CUEDC1: variants seen among roughly 807,000 people sequenced by gnomAD.
CUEDC1 encodes CUE domain containing 1.
In CUEDC1, 30 loss-of-function variants were observed where a neutral mutation model predicts 43.7. The observed-to-expected ratio is 0.69, with a 90% confidence interval of 0.51 to 0.93. The LOEUF (loss-of-function observed/expected upper bound fraction) is 0.93, where lower values mean the gene tolerates loss of function less well. CUEDC1 is among the 40% of genes least tolerant of loss of function. The probability of loss-of-function intolerance (pLI) is 0.00; values close to 1 mark genes in which losing one functional copy is unlikely to be tolerated. For missense variants in CUEDC1, 486 were observed against 549.0 expected (o/e 0.89, Z 1.15); for synonymous variants, 223 against 223.6 (o/e 1.00, Z 0.02).
Position 57,872,675 on chromosome 17 carries a change from C to G in CUEDC1, c.772G>C (p.Ala258Pro), listed in dbSNP as rs776529225. ...ELQRNRDFLL[A>P]LERDRLKYES... ...AGGCGCTGCCCACCTCTCTCCAGAG[C>G]GAGGAGGAAGTCGCGGTTCCGTTGC... Residue 258 changes from alanine (A) to proline (P), a missense_variant, in exon 5 of 11, where the codon GCT becomes CCT. Physicochemically the swap from Ala to Pro is conservative, Grantham distance 27. Coordinates refer to ENST00000577830, the MANE Select transcript of CUEDC1 (RefSeq NM_001271875.2). 1.2e-6 allele frequency: 2 copies of G among 1,613,876 alleles called. No individual in the cohort carries two copies.
At chr17:57,897,406 C>T (rs994892808) in intron 1 of CUEDC1, among the ~76,000 whole-genome samples, 1 of 152,186 alleles carries the variant, frequency 6.6e-6, no homozygotes, top group Non-Finnish European at 1.5e-5. Context: ...CGCAGTGGCT[C>T]ACGCCTGTAA....
intron 1 of CUEDC1, among the ~76,000 whole-genome samples, chr17:57,934,829 T>TC (rs912316819): frequency 6.6e-6 from 1 of 152,074 alleles, no homozygotes; most frequent in African/African-American, 2.4e-5. Flanking sequence ...TGCCTCAGCC[T>TC]CCCGAGTAGC....
At chr17:57,872,114 G>A (rs559482541) in intron 5 of CUEDC1, among the ~76,000 whole-genome samples, 8 of 152,244 alleles carry the variant, frequency 5.3e-5, no homozygotes, top group East Asian at 1.9e-4. Flanking sequence ...CAGCCCTCTC[G>A]TCTCCTCTAC....
At position 57,955,155 on chromosome 17, in the gene CUEDC1, T is replaced by G. The variant is rs2075045268; in HGVS notation, c.-316+70A>C. The G allele has an allele frequency of 1.4e-5, 2 of 142,686 alleles. No individual in the cohort carries two copies. The highest frequency in any genetic ancestry group is 2.5e-5 in the African/African-American group (1 of 39,230). The allele number at this position is 142,686 out of a possible 1,614,324, so 8.8% of individuals were successfully genotyped here. A position where few individuals can be genotyped will look rare whatever the true frequency, so the allele number is the denominator to read the frequency against. ...CGCTGGGCCGGGGCCGCGGCCGGGA[T>G]TGCGCGCGGGGCGCCGGCGAGGACC... On this transcript the variant is annotated intron_variant, in intron 1 of 10. Coordinates refer to ENST00000577830, the MANE Select transcript of CUEDC1 (RefSeq NM_001271875.2). The surrounding 1 kb of genome is among the most constrained non-coding windows in gnomAD (Gnocchi z 5.3).
At chr17:57,908,991 T>G (rs950175263) in intron 1 of CUEDC1, among the ~76,000 whole-genome samples, 1 of 151,106 alleles carries the variant, frequency 6.6e-6, no homozygotes, top group South Asian at 2.1e-4. Flanking sequence ...AACGAGACTG[T>G]CTCAAAAAAA....
rs545620213 is a variant in CUEDC1 at position 57,910,289 on chromosome 17, G to A, written c.-315-24410C>T. ...AAACCTCAGTGACCTCCCCTGCTCA[G>A]CCCATGGGGCCCCTGTGACAATAAA... On this transcript the variant is annotated intron_variant, in intron 1 of 10. Coordinates refer to ENST00000577830, the MANE Select transcript of CUEDC1 (RefSeq NM_001271875.2). Among the ~76,000 whole-genome samples the A allele has an allele frequency of 6.6e-5, 10 of 152,104 alleles. No individual in the cohort carries two copies. In the South Asian group the frequency reaches 1.0e-3, roughly 16 times the overall value.
At chr17:57,867,504 A>G in intron 8 of CUEDC1, 89 bp from the exon 9 acceptor site, 4 of 1,216,780 alleles carry the variant, frequency 3.3e-6, no homozygotes, top group Non-Finnish European at 4.7e-6. Flanking sequence ...CCCACCCCTC[A>G]AAGCTCTGGA....
chr17:57,894,315 C>A (rs1014367463), intron 1 of CUEDC1, among the ~76,000 whole-genome samples: 27 of 152,332 alleles, frequency 1.8e-4, no homozygotes, highest in African/African-American at 5.8e-4. Context: ...GCCACCCCCA[C>A]CCCTATCACT....
At chr17:57,933,484 C>CACTT (rs1441965885) in intron 1 of CUEDC1, among the ~76,000 whole-genome samples, 1 of 152,118 alleles carries the variant, frequency 6.6e-6, no homozygotes, top group East Asian at 1.9e-4. Context: ...ATGAAGAAGC[C>CACTT]ACTTTCATCT....
intron 1 of CUEDC1, among the ~76,000 whole-genome samples, chr17:57,935,378 G>GAGACACACAC (rs1555569479): frequency 7.0e-6 from 1 of 142,088 alleles, no homozygotes; most frequent in Non-Finnish European, 1.5e-5. Context: ...CCTTCCATTA[G>GAGACACACAC]ACACACACAC....
chr17:57,877,721 A>G (rs2074146157), intron 3 of CUEDC1, among the ~76,000 whole-genome samples: 1 of 151,708 alleles, frequency 6.6e-6, no homozygotes, highest in South Asian at 2.1e-4. Flanking sequence ...CCCCGTCTCT[A>G]CTAAAATACA....
At chr17:57,951,620 G>A (rs1328764034) in intron 1 of CUEDC1, among the ~76,000 whole-genome samples, 4 of 152,028 alleles carry the variant, frequency 2.6e-5, no homozygotes, top group Non-Finnish European at 4.4e-5. Flanking sequence ...CACCATGCCC[G>A]GCTAATTTTT....
At chr17:57,870,972 C>T (rs1230380569) in intron 6 of CUEDC1, among the ~76,000 whole-genome samples, 1 of 152,172 alleles carries the variant, frequency 6.6e-6, no homozygotes, top group Non-Finnish European at 1.5e-5. Flanking sequence ...CGTGAGCCAC[C>T]GCACCTGGCC....
chr17:57,880,857 T>C (rs1377086328), intron 2 of CUEDC1, among the ~76,000 whole-genome samples: 1 of 141,560 alleles, frequency 7.1e-6, no homozygotes, highest in Non-Finnish European at 1.5e-5. Flanking sequence ...GGGCGGCCCC[T>C]GACTGGGAGA....
intron 1 of CUEDC1, among the ~76,000 whole-genome samples, chr17:57,900,270 A>G (rs1368972270): frequency 6.6e-6 from 1 of 152,144 alleles, no homozygotes; most frequent in African/African-American, 2.4e-5. Context: ...TGGTCTGATC[A>G]TTGAAATCTT....
At chr17:57,882,239 T>C (rs1346531002) in intron 2 of CUEDC1, among the ~76,000 whole-genome samples, 1 of 150,638 alleles carries the variant, frequency 6.6e-6, no homozygotes, top group East Asian at 2.0e-4. Context: ...TCATAAATTT[T>C]CCGAAGCACT....
intron 4 of CUEDC1, among the ~76,000 whole-genome samples, 170 bp from the exon 5 acceptor site, chr17:57,873,025 C>T (rs1208524636): frequency 6.6e-6 from 1 of 152,248 alleles, no homozygotes; most frequent in African/African-American, 2.4e-5. Context: ...ACGGACAGGT[C>T]AGAGCCATTG....
intron 1 of CUEDC1, among the ~76,000 whole-genome samples, chr17:57,952,375 C>A (rs966037901): frequency 6.6e-6 from 1 of 151,878 alleles, no homozygotes; most frequent in Non-Finnish European, 1.5e-5. Flanking sequence ...TACAGGCACA[C>A]GCCACCACAC....
In CUEDC1 at chr17:57,902,193, GA is replaced by G. The variant is rs11420183; in HGVS notation, c.-315-16315del. ...AAGACAAGAGCGAGACTCCACCTCAGAAAAAAAAAAACAAAAAACAAAAAAC... is the reference window on the plus strand; with the variant it reads ...AAGACAAGAGCGAGACTCCACCTCAGAAAAAAAAAACAAAAAACAAAAAAC... On this transcript the variant is annotated intron_variant, in intron 1 of 10. Transcript: ENST00000577830. Among the ~76,000 whole-genome samples, 121 of 141,024 alleles carry G rather than the reference GA, an allele frequency of 8.6e-4. 1 individual carries two copies. Among genetic ancestry groups the G allele is most frequent in the African/African-American group, 2.7e-3 (104 of 38,388 alleles). The allele number at this position is 141,024 out of a possible 152,430, so 92.5% of individuals were successfully genotyped here.
Sources: gnomAD v4.1 joint callset for allele counts (sites outside exome capture counted in the v4.1 genomes callset) on GRCh38, gnomAD v4.1.1 for gene constraint, Gnocchi (gnomAD v3.1) non-coding constraint, MANE v1.5 for transcripts, NCBI Gene and HGNC (gene_info 2026-07-23, HGNC 2026-07-21) for gene names.